PPP1R13B: variants seen among roughly 807,000 people sequenced by gnomAD.
PPP1R13B encodes apoptosis-stimulating of p53 protein 1.
In PPP1R13B, 44 loss-of-function variants were observed where a neutral mutation model predicts 119.8. The ratio of observed to expected loss-of-function variants is 0.37; its 90% CI spans 0.29 to 0.47. PPP1R13B has a LOEUF of 0.47. Ranked by LOEUF, PPP1R13B falls within the 20% of genes least tolerant of loss-of-function variation. The probability of loss-of-function intolerance (pLI) is 0.99; values close to 1 mark genes in which losing one functional copy is unlikely to be tolerated. For synonymous variants in PPP1R13B, 542 were observed against 561.5 expected, an observed-to-expected ratio of 0.97 and a Z score of 0.49; for missense variants, 1,227 against 1,413.5, an observed-to-expected ratio of 0.87 and a Z score of 2.12.
At position 103,738,598 on chromosome 14, in the gene PPP1R13B, T is replaced by C. The variant is rs1159911496; in HGVS notation, c.2864+81A>G. 6.4e-7 allele frequency: 1 copy of C among 1,570,990 alleles called. No individual in the cohort carries two copies. The highest frequency in any genetic ancestry group is 8.7e-7 in the Non-Finnish European group (1 of 1,150,162). On this transcript the variant is annotated intron_variant, in intron 14 of 16. Transcript: ENST00000202556. The surrounding 1 kb of genome is among the most constrained non-coding windows in gnomAD (Gnocchi z 5.6). ...CTCTAATTCTCTCTTCCGTGCTTCCTAATTGTCTAGAACACGCCTGTTTTC... is the reference window on the plus strand; with the variant it reads ...CTCTAATTCTCTCTTCCGTGCTTCCCAATTGTCTAGAACACGCCTGTTTTC...
chr14:103,803,532 A>G (rs2085948693), intron 1 of PPP1R13B, among the ~76,000 whole-genome samples: 1 of 151,962 alleles, frequency 6.6e-6, no homozygotes. Context: ...AGTCCCAGCT[A>G]CTCGGGAGGC....
Position 103,788,285 on chromosome 14 carries a change from A to G in PPP1R13B, c.158-3371T>C, listed in dbSNP as rs141124930. Among the ~76,000 whole-genome samples the G allele has an allele frequency of 3.6e-3, 551 of 152,242 alleles. 5 individuals carry two copies. Among genetic ancestry groups the G allele is most frequent in the African/African-American group, 0.013 (534 of 41,554 alleles). On this transcript the variant is annotated intron_variant, in intron 2 of 16. Coordinates refer to ENST00000202556, the MANE Select transcript of PPP1R13B (RefSeq NM_015316.3). Reference sequence around the variant, plus strand: ...TTTGGCATGAGTCAGACTTACTGTTACCTTAGATTTTAGCTTTTTGAGGTC... The same window carrying G: ...TTTGGCATGAGTCAGACTTACTGTTGCCTTAGATTTTAGCTTTTTGAGGTC...
chr14:103,746,751 G>A (rs192432713), intron 8 of PPP1R13B, 198 bp from the exon 9 acceptor site: 7 of 481,016 alleles, frequency 1.5e-5, no homozygotes, highest in Admixed American at 3.6e-5. Context: ...GCAATTCTCC[G>A]ACAACACCCA....
At chr14:103,741,703 C>A in intron 11 of PPP1R13B, 87 bp downstream of exon 11, 1 of 1,465,556 alleles carries the variant, frequency 6.8e-7, no homozygotes, top group Non-Finnish European at 9.2e-7. Context: ...AGCACGTGGC[C>A]CAAACGTAAA....
At chr14:103,785,117 A>G (rs1360072199) in intron 2 of PPP1R13B, among the ~76,000 whole-genome samples, 1 of 152,232 alleles carries the variant, frequency 6.6e-6, no homozygotes, top group East Asian at 1.9e-4. Flanking sequence ...CAACAGATAA[A>G]CACAAAAAGT....
At chr14:103,751,398 A>G (rs1032692580) in intron 7 of PPP1R13B, among the ~76,000 whole-genome samples, 8 of 152,262 alleles carry the variant, frequency 5.3e-5, no homozygotes, top group Non-Finnish European at 1.0e-4. Flanking sequence ...GTAGTTAAAT[A>G]CCCTCATTTC....
chr14:103,822,901 G>A (rs73367074), intron 1 of PPP1R13B, among the ~76,000 whole-genome samples: 13,910 of 152,182 alleles, frequency 0.091, 779 homozygotes, highest in African/African-American at 0.16. Flanking sequence ...GAATGAGGTA[G>A]GTCATATCAT....
intron 4 of PPP1R13B, among the ~76,000 whole-genome samples, chr14:103,772,663 CTGTTTCTTTT>C (rs949626378): frequency 1.3e-5 from 2 of 148,982 alleles, no homozygotes; most frequent in Non-Finnish European, 2.9e-5. Flanking sequence ...AATCTTTCAC[CTGTTTCTTTT>C]TCTTTTTTTT....
intron 3 of PPP1R13B, among the ~76,000 whole-genome samples, chr14:103,782,337 G>T (rs907380109): frequency 2.6e-5 from 4 of 152,150 alleles, no homozygotes; most frequent in Non-Finnish European, 5.9e-5. Context: ...ATTATTTACG[G>T]CTGCAGAGCA....
intron 4 of PPP1R13B, among the ~76,000 whole-genome samples, chr14:103,763,596 TTTA>T (rs2084865354): frequency 3.3e-5 from 5 of 152,254 alleles, no homozygotes; most frequent in Admixed American, 3.3e-4. Flanking sequence ...ATCCCTAGAT[TTTA>T]TTTTTTCCTT....
chr14:103,766,887 A>C (rs961902493), intron 4 of PPP1R13B, among the ~76,000 whole-genome samples: 2 of 152,262 alleles, frequency 1.3e-5, no homozygotes, highest in African/African-American at 4.8e-5. Flanking sequence ...AATTTCACAT[A>C]GTTCGAACTA....
chr14:103,751,077 C>T (rs918072198), intron 7 of PPP1R13B, among the ~76,000 whole-genome samples: 1 of 152,132 alleles, frequency 6.6e-6, no homozygotes, highest in African/African-American at 2.4e-5. Flanking sequence ...TCGCTTGAAC[C>T]CTGGAGGCAG....
At chr14:103,835,186 G>A (rs2086747701) in intron 1 of PPP1R13B, among the ~76,000 whole-genome samples, 1 of 152,128 alleles carries the variant, frequency 6.6e-6, no homozygotes, top group Admixed American at 6.6e-5. Context: ...ACAATGGCAT[G>A]AAGACGGCTC....
chr14:103,771,871 A>G lies in PPP1R13B; in HGVS notation c.354+6874T>C, dbSNP rs1203545079. Among the ~76,000 whole-genome samples, 4 of 152,354 alleles carry G rather than the reference A, an allele frequency of 2.6e-5. 1 individual carries two copies. The highest frequency in any genetic ancestry group is 1.9e-4 in the East Asian group (1 of 5,192). ...ATAATAAACTGCATATATCTAAAGT[A>G]CACAATTTAATGTTTTGACAAATGT... On this transcript the variant is annotated intron_variant, in intron 4 of 16. Coordinates refer to ENST00000202556, the MANE Select transcript of PPP1R13B (RefSeq NM_015316.3).
chr14:103,736,489 A>T, intron 15 of PPP1R13B: 1 of 501,472 alleles, frequency 2.0e-6, no homozygotes, highest in Non-Finnish European at 3.6e-6. Context: ...TCTTAAGGTG[A>T]CGCTTAGCAA....
At chr14:103,781,870 T>C (rs1374069615) in intron 3 of PPP1R13B, among the ~76,000 whole-genome samples, 2 of 152,126 alleles carry the variant, frequency 1.3e-5, no homozygotes, top group Admixed American at 6.6e-5. Context: ...GCCAGGATGG[T>C]CTCGATCTCC....
intron 1 of PPP1R13B, among the ~76,000 whole-genome samples, chr14:103,822,036 A>G (rs2086422245): frequency 6.6e-6 from 1 of 152,204 alleles, no homozygotes; most frequent in Non-Finnish European, 1.5e-5. Context: ...AGACCTTCCC[A>G]TGCACATCTG....
intron 1 of PPP1R13B, among the ~76,000 whole-genome samples, chr14:103,815,710 G>A (rs984668080): frequency 6.6e-6 from 1 of 151,800 alleles, no homozygotes; most frequent in South Asian, 2.1e-4. Flanking sequence ...AGCCAAGATC[G>A]CACCACTGCA....
Position 103,847,334 on chromosome 14 carries a change from G to A in PPP1R13B, c.-27C>T, listed in dbSNP as rs891028161. 8.1e-7 allele frequency: 1 copy of A among 1,232,930 alleles called. No homozygotes were observed. The highest frequency in any genetic ancestry group is 1.0e-6 in the Non-Finnish European group (1 of 967,816). 76.4% of individuals were successfully genotyped at this position (1,232,930 alleles called of 1,614,324 possible). The stretch of plus-strand genomic sequence containing the variant: ...GCGGGGAGAGTCCGCGACGCCCTCG[G>A]CCGCCGCCTGACAGGACGCTCCGCG... On this transcript the variant is annotated 5_prime_UTR_variant, in exon 1 of 17. Transcript: ENST00000202556.
Sources: allele counts gnomAD v4.1 joint callset (sites outside exome capture counted in the v4.1 genomes callset), GRCh38; gene constraint gnomAD v4.1.1; non-coding constraint Gnocchi (gnomAD v3.1); transcripts MANE v1.5; gene names NCBI Gene and HGNC (gene_info 2026-07-23, HGNC 2026-07-21).